CDH13: variants seen among roughly 807,000 people sequenced by gnomAD.
The protein encoded by CDH13 is cadherin-13.
Under a neutral mutation model 63.8 loss-of-function variants are expected in CDH13, and 24 were observed. The ratio of observed to expected loss-of-function variants is 0.38; its 90% CI spans 0.27 to 0.53. CDH13 has a LOEUF of 0.53. CDH13 is among the 20% of genes least tolerant of loss of function. CDH13 has a pLI of 0.85. For missense variants in CDH13, 1,049 were observed against 903.1 expected (o/e 1.16, Z -2.07); for synonymous variants, 503 against 355.3 (o/e 1.42, Z -4.67).
At chr16:83,490,532 T>C in intron 7 of CDH13, among the ~76,000 whole-genome samples, 1 of 152,210 alleles carries the variant, frequency 6.6e-6, no homozygotes, top group South Asian at 2.1e-4. Context: ...GCTCCTCTCC[T>C]GCTCCAAGGA....
At chr16:83,058,026 C>A (rs1008970114) in intron 3 of CDH13, among the ~76,000 whole-genome samples, 2 of 152,172 alleles carry the variant, frequency 1.3e-5, no homozygotes, top group African/African-American at 4.8e-5. Flanking sequence ...TGACTCACAG[C>A]AACTTTACTT....
intron 6 of CDH13, among the ~76,000 whole-genome samples, chr16:83,375,268 A>G (rs1448965621): frequency 6.6e-6 from 1 of 152,234 alleles, no homozygotes; most frequent in African/African-American, 2.4e-5. Context: ...TAATTAAGGA[A>G]CAAATTGATT....
intron 10 of CDH13, among the ~76,000 whole-genome samples, chr16:83,681,455 C>G (rs550017392): frequency 1.4e-4 from 21 of 152,276 alleles, no homozygotes; most frequent in African/African-American, 5.1e-4. Context: ...CTCTCTCTGG[C>G]CTCACTCCTC....
intron 4 of CDH13, among the ~76,000 whole-genome samples, chr16:83,204,719 C>A (rs2039132443): frequency 6.6e-6 from 1 of 152,146 alleles, no homozygotes; most frequent in African/African-American, 2.4e-5. Flanking sequence ...CCCCAAATTT[C>A]AGTTGATCAA....
chr16:82,927,619 T>C (rs1238956582), intron 2 of CDH13, among the ~76,000 whole-genome samples: 2 of 152,220 alleles, frequency 1.3e-5, no homozygotes, highest in African/African-American at 4.8e-5. Context: ...AAACTGTTCC[T>C]CAAGAACTCT....
intron 2 of CDH13, among the ~76,000 whole-genome samples, chr16:83,014,712 C>T (rs1444559181): frequency 1.7e-5 from 2 of 115,084 alleles, no homozygotes. Flanking sequence ...GCTTGGGCAA[C>T]AGAGGGAGAC....
At chr16:83,742,225 G>A (rs905950473) in intron 10 of CDH13, among the ~76,000 whole-genome samples, 1 of 152,180 alleles carries the variant, frequency 6.6e-6, no homozygotes, top group Non-Finnish European at 1.5e-5. Context: ...CTCTGAGGGG[G>A]CCCTGCTGAG....
At chr16:83,250,000 T>C (rs912268781) in intron 5 of CDH13, among the ~76,000 whole-genome samples, 2 of 152,214 alleles carry the variant, frequency 1.3e-5, no homozygotes, top group African/African-American at 4.8e-5. Context: ...AGTAGTTGTT[T>C]CATTGCAATA....
chr16:83,160,954 T>G (rs117048908), intron 4 of CDH13, among the ~76,000 whole-genome samples: 1 of 152,320 alleles, frequency 6.6e-6, no homozygotes, highest in East Asian at 1.9e-4. Context: ...AGCTTTCCTG[T>G]TAGGGCAGAA....
intron 1 of CDH13, among the ~76,000 whole-genome samples, chr16:82,794,065 C>T (rs936813628): frequency 4.6e-5 from 7 of 151,978 alleles, no homozygotes; most frequent in African/African-American, 7.2e-5. Flanking sequence ...TTGTCCAATC[C>T]GAGGCCCGTG....
chr16:83,091,762 A>C (rs537557103), intron 3 of CDH13, among the ~76,000 whole-genome samples: 4 of 152,232 alleles, frequency 2.6e-5, no homozygotes, highest in Admixed American at 6.5e-5. Context: ...ACTACATACT[A>C]TATCCCCAGC....
intron 7 of CDH13, among the ~76,000 whole-genome samples, chr16:83,575,481 C>A (rs561750974): frequency 6.6e-6 from 1 of 152,304 alleles, no homozygotes; most frequent in South Asian, 2.1e-4. Flanking sequence ...AAGACAAGTA[C>A]CATCTGACCC....
intron 1 of CDH13, among the ~76,000 whole-genome samples, chr16:82,691,442 C>G (rs1487951165): frequency 6.6e-6 from 1 of 152,170 alleles, no homozygotes; most frequent in Non-Finnish European, 1.5e-5. Context: ...GGTGTCCCAG[C>G]CTCCCTGCCC....
intron 6 of CDH13, among the ~76,000 whole-genome samples, chr16:83,370,648 G>A (rs2091350255): frequency 2.0e-5 from 3 of 152,044 alleles, no homozygotes; most frequent in Admixed American, 2.0e-4. Flanking sequence ...GTAGGCCCTG[G>A]TGACTGTTGA....
Position 82,777,768 on chromosome 16 carries a change from A to T in CDH13, c.46-80594A>T, listed in dbSNP as rs183348125. 7.2e-5 allele frequency among the ~76,000 whole-genome samples: 11 copies of T among 152,260 alleles called. No homozygotes were observed. The East Asian group carries it at 2.1e-3, about 29-fold the overall frequency. The stretch of plus-strand genomic sequence containing the variant: ...TGGGCATGGGTTGGCTCCTGAGCTC[A>T]TTCATGGGATTGCTGGCAGGATTCT... On this transcript the variant is annotated intron_variant, in intron 1 of 13. Transcript: ENST00000567109.
chr16:83,248,543 A>C (rs1428189375), intron 5 of CDH13, among the ~76,000 whole-genome samples: 2 of 152,134 alleles, frequency 1.3e-5, no homozygotes, highest in African/African-American at 4.8e-5. Context: ...TAGATCAAGA[A>C]GATTTCTACA....
chr16:83,695,161 C>T (rs1028408742), intron 10 of CDH13, among the ~76,000 whole-genome samples: 1 of 152,136 alleles, frequency 6.6e-6, no homozygotes, highest in African/African-American at 2.4e-5. Context: ...GAGCCAAGAT[C>T]ATGCCACTGT....
At chr16:83,387,625 T>C (rs2091700423) in intron 6 of CDH13, among the ~76,000 whole-genome samples, 1 of 152,190 alleles carries the variant, frequency 6.6e-6, no homozygotes, top group Non-Finnish European at 1.5e-5. Flanking sequence ...ATTATCTTCT[T>C]GTGTTGCTTT....
At chr16:83,058,398 G>C (rs528449266) in intron 3 of CDH13, among the ~76,000 whole-genome samples, 2 of 152,276 alleles carry the variant, frequency 1.3e-5, no homozygotes, top group South Asian at 2.1e-4. Flanking sequence ...CTTCTCTGGC[G>C]GTTTGGTGTT....
Sources: gnomAD v4.1 joint callset for allele counts (sites outside exome capture counted in the v4.1 genomes callset) on GRCh38, gnomAD v4.1.1 for gene constraint, MANE v1.5 for transcripts, NCBI Gene and HGNC (gene_info 2026-07-23, HGNC 2026-07-21) for gene names.